MEP1A: variants seen among roughly 807,000 people sequenced by gnomAD.
MEP1A encodes the protein N-benzoyl-L-tyrosyl-P-amino-benzoic acid hydrolase subunit alpha.
A neutral mutation model predicts 84.5 loss-of-function variants in MEP1A; 68 were observed. The observed-to-expected ratio is 0.80, with a 90% CI of 0.66 to 0.98. The LOEUF is 0.98. Ranked by LOEUF, MEP1A falls within the 50% of genes least tolerant of loss-of-function variation. MEP1A has a pLI of 0.00. For missense variants in MEP1A, 887 were observed against 919.9 expected (o/e 0.96, Z 0.46); for synonymous variants, 337 against 336.8 (o/e 1.00, Z -0.01).
chr6:46,830,037 C>T (rs1477172083), intron 10 of MEP1A, among the ~76,000 whole-genome samples: 2 of 151,916 alleles, frequency 1.3e-5, no homozygotes, highest in Non-Finnish European at 2.9e-5. Flanking sequence ...ATCACAAGGT[C>T]AGGAGATTGA....
chr6:46,794,900 T>C (rs2150737693), intron 3 of MEP1A, among the ~76,000 whole-genome samples: 1 of 152,340 alleles, frequency 6.6e-6, no homozygotes, highest in South Asian at 2.1e-4. Context: ...CATTTTGTAC[T>C]CTTTAGGCCC....
At chr6:46,830,528 G>A (rs1419549647) in intron 10 of MEP1A, among the ~76,000 whole-genome samples, 1 of 152,146 alleles carries the variant, frequency 6.6e-6, no homozygotes, top group African/African-American at 2.4e-5. Flanking sequence ...CCTTTTCCTA[G>A]TTATGAATGA....
At chr6:46,822,155 T>A (rs563849193) in intron 7 of MEP1A, among the ~76,000 whole-genome samples, 1 of 152,352 alleles carries the variant, frequency 6.6e-6, no homozygotes, top group South Asian at 2.1e-4. Context: ...CATATCTACT[T>A]GCTTTTGTAA....
downstream of MEP1A, among the ~76,000 whole-genome samples, chr6:46,841,837 T>A (rs1166303234): frequency 2.0e-5 from 3 of 152,208 alleles, no homozygotes; most frequent in Non-Finnish European, 4.4e-5. Context: ...TTGAAATGAA[T>A]CAAGATTTAA....
rs556900541 is a variant in MEP1A at position 46,821,156 on chromosome 6, A to C, written c.556+1452A>C. Among the ~76,000 whole-genome samples, 22 of 152,260 alleles carry C rather than the reference A, an allele frequency of 1.4e-4. No individual in the cohort carries two copies. The South Asian group carries it at 2.1e-3, about 14-fold the overall frequency. On this transcript the variant is annotated intron_variant, in intron 7 of 13. Coordinates refer to ENST00000230588, the MANE Select transcript of MEP1A (RefSeq NM_005588.3). ...ATTTTCACATGAGATGAGGGTAGAG[A>C]GGGCTAATCAAAATCACCTGTGAGG...
chr6:46,818,847 T>C (rs1213649969), intron 6 of MEP1A, among the ~76,000 whole-genome samples: 1 of 152,200 alleles, frequency 6.6e-6, no homozygotes, highest in Admixed American at 6.5e-5. Context: ...ATAAAAGGGC[T>C]AGGTGCGATG....
intron 11 of MEP1A, among the ~76,000 whole-genome samples, chr6:46,834,275 C>T (rs1439684641): frequency 3.3e-5 from 5 of 151,890 alleles, no homozygotes; most frequent in East Asian, 3.9e-4. Flanking sequence ...AGAAAGAAGC[C>T]GTAGCTGTCC....
chr6:46,815,286 T>C (rs926218235), intron 6 of MEP1A, among the ~76,000 whole-genome samples: 1 of 151,646 alleles, frequency 6.6e-6, no homozygotes, highest in Non-Finnish European at 1.5e-5. Flanking sequence ...GGAATGGGGG[T>C]GTGGTTTCCA....
chr6:46,811,666 G>A (rs1767501895), intron 6 of MEP1A, among the ~76,000 whole-genome samples: 1 of 151,820 alleles, frequency 6.6e-6, no homozygotes, highest in African/African-American at 2.4e-5. Flanking sequence ...ATTTTGCTGA[G>A]GTTTTTAATC....
Position 46,815,765 on chromosome 6 carries a change from T to C in MEP1A, c.381-3764T>C, listed in dbSNP as rs1042774724. On this transcript the variant is annotated intron_variant, in intron 6 of 13. Transcript: ENST00000230588. ...AGTCCTGACCGTGGGGTTTTGATAA[T>C]GATGGATGGATAGTATGATGAAAAT... is the stretch of plus-strand genomic sequence containing the variant. Among the ~76,000 whole-genome samples the C allele has an allele frequency of 3.3e-5, 5 of 152,224 alleles. No individual in the cohort carries two copies. The East Asian group carries it at 9.7e-4, about 29-fold the overall frequency.
chr6:46,797,416 G>C (rs939822606), intron 3 of MEP1A, among the ~76,000 whole-genome samples: 55 of 152,204 alleles, frequency 3.6e-4, no homozygotes, highest in Non-Finnish European at 6.8e-4. Flanking sequence ...ACTGAAACAG[G>C]ATGAGGCAAG....
intron 6 of MEP1A, among the ~76,000 whole-genome samples, chr6:46,812,354 TTC>T (rs1767524492): frequency 6.6e-6 from 1 of 152,110 alleles, no homozygotes; most frequent in African/African-American, 2.4e-5. Context: ...TATTGGGATC[TTC>T]TGTCTTCTTT....
chr6:46,830,681 T>A (rs142546150), intron 10 of MEP1A, among the ~76,000 whole-genome samples: 1,837 of 152,270 alleles, frequency 0.012, 42 homozygotes, highest in African/African-American at 0.042. Context: ...AATTATTTTT[T>A]ATATATCTGC....
chr6:46,798,651 G>A lies in MEP1A; in HGVS notation c.186+5G>A. 6.2e-7 allele frequency: 1 copy of A among 1,613,404 alleles called. No homozygotes were observed. The highest frequency in any genetic ancestry group is 8.5e-7 in the Non-Finnish European group (1 of 1,179,400). ...CAAGGGGACATCCTCTTGCAGGTGA[G>A]TACCTGTCAATGATGCAATAAGTTT... On this transcript the variant is annotated splice_donor_5th_base_variant and intron_variant, in intron 4 of 13. Transcript: ENST00000230588.
intron 3 of MEP1A, among the ~76,000 whole-genome samples, chr6:46,795,695 C>T (rs142483586): frequency 6.6e-6 from 1 of 152,180 alleles, no homozygotes; most frequent in Non-Finnish European, 1.5e-5. Flanking sequence ...GGTCCTTTGA[C>T]AGGCCTCATA....
Position 46,793,596 on chromosome 6 carries a change from C to A in MEP1A, c.94+20C>A. The A allele has an allele frequency of 6.4e-7, 1 of 1,561,178 alleles. No individual in the cohort carries two copies. The highest frequency in any genetic ancestry group is 8.8e-7 in the Non-Finnish European group (1 of 1,140,858). ...AAAATGGTAAGAATTAGTTCAAATG[C>A]ACAGAGAGTGTTTTTGAACTTTTTT... On this transcript the variant is annotated intron_variant, in intron 2 of 13. Transcript: ENST00000230588.
chr6:46,799,821 C>G (rs1418333438), intron 5 of MEP1A, among the ~76,000 whole-genome samples: 1 of 152,114 alleles, frequency 6.6e-6, no homozygotes, highest in East Asian at 1.9e-4. Flanking sequence ...CACTGGCTGA[C>G]CCTCAAGCAG....
Position 46,793,591 on chromosome 6 carries a change from A to C in MEP1A, c.94+15A>C. 6.4e-7 allele frequency: 1 copy of C among 1,559,592 alleles called. No individual in the cohort carries two copies. The highest frequency in any genetic ancestry group is 2.3e-5 in the East Asian group (1 of 44,264). On this transcript the variant is annotated intron_variant, in intron 2 of 13. Transcript: ENST00000230588. ...TGAAGAAAATGGTAAGAATTAGTTC[A>C]AATGCACAGAGAGTGTTTTTGAACT... is the stretch of plus-strand genomic sequence containing the variant.
chr6:46,816,080 G>T (rs1476167115), intron 6 of MEP1A, among the ~76,000 whole-genome samples: 2 of 152,024 alleles, frequency 1.3e-5, no homozygotes, highest in African/African-American at 4.8e-5. Context: ...GGGATCACAG[G>T]CGTGTGCCAC....
Sources: allele counts gnomAD v4.1 joint callset (sites outside exome capture counted in the v4.1 genomes callset), GRCh38; gene constraint gnomAD v4.1.1; transcripts MANE v1.5; gene names NCBI Gene and HGNC (gene_info 2026-07-23, HGNC 2026-07-21).